Variants in ZNF560 observed in about 807,000 individuals in gnomAD.
ZNF560 encodes zinc finger protein 560.
A neutral mutation model predicts 81.8 loss-of-function variants in ZNF560; 54 were observed. The ratio of observed to expected loss-of-function variants is 0.66; its 90% CI spans 0.53 to 0.83. The LOEUF (loss-of-function observed/expected upper bound fraction) is 0.83. Ranked by LOEUF, ZNF560 falls within the 40% of genes least tolerant of loss-of-function variation. ZNF560 has a pLI of 0.00. For synonymous variants in ZNF560, 321 were observed against 317.9 expected (o/e 1.01, Z -0.10); for missense variants, 940 against 932.4 (o/e 1.01, Z -0.11).
At chr19:9,450,012 G>A in the ZNF560 span, among the ~76,000 whole-genome samples, 4 of 134,918 alleles carry the variant, frequency 3.0e-5, no homozygotes, top group South Asian at 2.4e-4. Context: ...CTGAAAAAAG[G>A]CCAGGCACGA....
Position 9,471,397 on chromosome 19 carries a change from C to T in ZNF560, c.239-19G>A. 2 of 1,466,068 alleles carry T rather than the reference C, an allele frequency of 1.4e-6. No individual in the cohort carries two copies. The highest frequency in any genetic ancestry group is 2.8e-5 in the South Asian group (2 of 70,504). 90.8% of individuals were successfully genotyped at this position (1,466,068 alleles called of 1,614,324 possible). A position where few individuals can be genotyped will look rare whatever the true frequency, so the allele number is the denominator to read the frequency against. On this transcript the variant is annotated intron_variant, in intron 5 of 9. Coordinates refer to ENST00000301480, the MANE Select transcript of ZNF560 (RefSeq NM_152476.3). ...GCCCAGTCTGAAACAAAAACATAAA[C>T]TGAGGTTTTTTTTTTTTTTAAAAAA...
chr19:9,483,696 G>A (rs1350434419), intron 2 of ZNF560, among the ~76,000 whole-genome samples: 6 of 150,540 alleles, frequency 4.0e-5, no homozygotes, highest in Non-Finnish European at 7.4e-5. Context: ...CCGCCCGGCC[G>A]CCGCCCCGTC....
downstream of ZNF560, among the ~76,000 whole-genome samples, chr19:9,466,227 T>C (rs2073012210): frequency 6.6e-6 from 1 of 151,156 alleles, no homozygotes; most frequent in African/African-American, 2.4e-5. Flanking sequence ...ATGCCTGTAA[T>C]CCCAGCTACT....
At chr19:9,487,512 G>A (rs541035680) in intron 2 of ZNF560, among the ~76,000 whole-genome samples, 2 of 152,154 alleles carry the variant, frequency 1.3e-5, no homozygotes, top group African/African-American at 2.4e-5. Flanking sequence ...CATGATATTA[G>A]ATTTATTATA....
the ZNF560 span, among the ~76,000 whole-genome samples, chr19:9,452,165 A>T: frequency 2.9e-3 from 448 of 152,310 alleles, 2 homozygotes; most frequent in Non-Finnish European, 4.7e-3. Context: ...AACATAGGAA[A>T]AAATGCTCAT....
intron 4 of ZNF560, among the ~76,000 whole-genome samples, chr19:9,473,940 C>T (rs1277416534): frequency 1.3e-5 from 2 of 152,200 alleles, no homozygotes; most frequent in African/African-American, 2.4e-5. Context: ...ATAGTTAACA[C>T]ACAGATGACA....
chr19:9,447,123 G>A, the ZNF560 span, among the ~76,000 whole-genome samples: 1 of 125,710 alleles, frequency 8.0e-6, no homozygotes, highest in East Asian at 2.2e-4. Context: ...AACAGAGCGA[G>A]ACTCCGTCAC....
intron 6 of ZNF560, 79 bp from the exon 7 acceptor site, chr19:9,470,597 C>T (rs1599652640): frequency 6.2e-7 from 1 of 1,605,480 alleles, no homozygotes; most frequent in Non-Finnish European, 8.5e-7. Flanking sequence ...AAGGGGGACC[C>T]AATCCCTGTA....
chr19:9,456,481 G>C, the ZNF560 span, among the ~76,000 whole-genome samples: 35 of 152,172 alleles, frequency 2.3e-4, no homozygotes, highest in African/African-American at 8.4e-4. Context: ...AAGAACAAGG[G>C]GATTTGGCAG....
At chr19:9,453,254 C>T in the ZNF560 span, among the ~76,000 whole-genome samples, 1 of 152,316 alleles carries the variant, frequency 6.6e-6, no homozygotes, top group African/African-American at 2.4e-5. Context: ...ACCATGTTGG[C>T]ACCCTGAAGA....
At chr19:9,498,816 G>A (rs1226230082), upstream of ZNF560, 4 of 152,284 alleles carry the variant, frequency 2.6e-5, no homozygotes, top group African/African-American at 9.6e-5. Flanking sequence ...TCAGGGCTGT[G>A]GGCGGGGCCC....
chr19:9,469,737 G>A, intron 7 of ZNF560, 27 bp from the exon 8 acceptor site: 2 of 1,604,800 alleles, frequency 1.2e-6, no homozygotes, highest in Non-Finnish European at 1.7e-6. Flanking sequence ...ATACACCAAT[G>A]GAAGAGGCTC....
chr19:9,482,477 G>C (rs950148166), intron 2 of ZNF560, among the ~76,000 whole-genome samples: 4 of 151,190 alleles, frequency 2.6e-5, no homozygotes, highest in African/African-American at 9.7e-5. Context: ...AAGGAAGGAA[G>C]GAAGAAAGGA....
chr19:9,470,491 C>T lies in ZNF560; in HGVS notation c.349G>A (p.Val117Met), dbSNP rs773567477. ...MDLVTFDSVAVEFTQEEWTLL... is the reference protein window; with the variant it reads ...MDLVTFDSVAMEFTQEEWTLL... ...GTCCACTCTTCCTGGGTGAACTCCA[C>T]AGCCACACTGTCAAAGGTTACCAGG... The change falls in exon 7 of 10, where the codon GTG becomes ATG. Residue 117 changes from valine (V) to methionine (M), a missense_variant. By Grantham distance (21) the Val-to-Met change is conservative. Transcript: ENST00000301480. The T allele has an allele frequency of 6.2e-7, 1 of 1,614,214 alleles. No homozygotes were observed. Among genetic ancestry groups the T allele is most frequent in the African/African-American group, 1.3e-5 (1 of 75,062 alleles).
Position 9,468,202 on chromosome 19 carries a change from T to C in ZNF560, c.745A>G (p.Lys249Glu), listed in dbSNP as rs749684470. 3 of 1,614,180 alleles carry C rather than the reference T, an allele frequency of 1.9e-6. No individual in the cohort carries two copies. The highest frequency in any genetic ancestry group is 1.3e-5 in the African/African-American group (1 of 75,072). The change falls in exon 10 of 10, where the codon AAA (lysine) becomes GAA (glutamate). Residue 249 changes from lysine to glutamate, a missense_variant. Lys to Glu is a moderately conservative substitution (Grantham distance 56). Coordinates refer to ENST00000301480, the MANE Select transcript of ZNF560 (RefSeq NM_152476.3). The stretch of plus-strand genomic sequence containing the variant: ...TTATTGTATAGAGAAAGGAGGTCTT[T>C]TGCATACTGAATACATTCAGACGTG... The part of the protein sequence containing the change: ...GNTSECIQYA[K>E]DLLSLYNKTS...
At chr19:9,460,019 C>T in the ZNF560 span, among the ~76,000 whole-genome samples, 9 of 152,084 alleles carry the variant, frequency 5.9e-5, no homozygotes, top group African/African-American at 1.2e-4. Context: ...GGTGGAAAGA[C>T]CCGATAACAA....
chr19:9,470,018 G>A, intron 7 of ZNF560: 1 of 422,774 alleles, frequency 2.4e-6, no homozygotes, highest in Non-Finnish European at 4.2e-6. Context: ...AGAAACTAAT[G>A]GAAGCTCAAA....
upstream of ZNF560, among the ~76,000 whole-genome samples, chr19:9,501,990 TA>T (rs1297963674): frequency 6.6e-6 from 1 of 151,448 alleles, no homozygotes; most frequent in Admixed American, 6.6e-5. Context: ...CAGGCTCTAC[TA>T]AAAATACAAA....
downstream of ZNF560, among the ~76,000 whole-genome samples, chr19:9,465,866 T>C (rs1400496243): frequency 1.3e-5 from 2 of 152,074 alleles, no homozygotes; most frequent in Non-Finnish European, 2.9e-5. Flanking sequence ...CAGTGGTGTG[T>C]GCCTATAATC....
Sources: gnomAD v4.1 joint callset for allele counts (sites outside exome capture counted in the v4.1 genomes callset) on GRCh38, gnomAD v4.1.1 for gene constraint, MANE v1.5 for transcripts, NCBI Gene and HGNC (gene_info 2026-07-23, HGNC 2026-07-21) for gene names.